Variants in LRBA observed in about 807,000 individuals in gnomAD.
LRBA encodes LPS responsive beige-like anchor protein.
A neutral mutation model predicts 330.0 loss-of-function variants in LRBA; 176 were observed. The observed-to-expected ratio is 0.53, with a 90% CI of 0.47 to 0.60. The LOEUF is 0.60. Among genes scored for constraint, LRBA ranks in the 20% least tolerant of loss-of-function variants. The probability of loss-of-function intolerance (pLI) is 0.00; values close to 1 mark genes in which losing one functional copy is unlikely to be tolerated. For missense variants in LRBA, 3,259 were observed against 3,444.8 expected, an observed-to-expected ratio of 0.95 and a Z score of 1.35; for synonymous variants, 1,230 against 1,193.0, an observed-to-expected ratio of 1.03 and a Z score of -0.64.
chr4:150,371,182 A>ATTTTTTTTTTTTTTTTTTTTTTTTTTTTT (rs70937395), intron 47 of LRBA, among the ~76,000 whole-genome samples: 1 of 91,926 alleles, frequency 1.1e-5, no homozygotes, highest in Admixed American at 1.3e-4. Context: ...AAGCTACTAA[A>ATTTTTTTTTTTTTTTTTTTTTTTTTTTTT]TTTTTTTTTT....
In LRBA at chr4:150,311,835, T is replaced by C. The variant is rs564668896; in HGVS notation, c.7694-1451A>G. Among the ~76,000 whole-genome samples the C allele has an allele frequency of 9.2e-5, 14 of 152,300 alleles. No homozygotes were observed. The South Asian group carries it at 2.1e-3, about 23-fold the overall frequency. On this transcript the variant is annotated intron_variant, in intron 51 of 56. Transcript: ENST00000651943. ...ATAATAAAAGCTTTTGTGGATATCA[T>C]AGTGTTACTACAGAGAGACAGTGTC...
At chr4:150,825,525 C>T (rs953349699) in intron 30 of LRBA, among the ~76,000 whole-genome samples, 6 of 152,018 alleles carry the variant, frequency 3.9e-5, no homozygotes, top group Non-Finnish European at 8.8e-5. Flanking sequence ...CGCCACCACG[C>T]GTAGATAATT....
intron 48 of LRBA, 150 bp downstream of exon 48, chr4:150,349,842 G>A (rs896696887): frequency 1.6e-6 from 1 of 608,210 alleles, no homozygotes; most frequent in Non-Finnish European, 2.7e-6. Flanking sequence ...GTTCTTGCTA[G>A]GTCACTGATA....
At chr4:150,819,326 G>C (rs1422405738) in intron 30 of LRBA, among the ~76,000 whole-genome samples, 1 of 151,650 alleles carries the variant, frequency 6.6e-6, no homozygotes, top group Admixed American at 6.6e-5. Context: ...ATATCATGAT[G>C]GGGACTTAAG....
At chr4:150,779,375 TAA>T (rs921428650) in intron 34 of LRBA, among the ~76,000 whole-genome samples, 2 of 152,106 alleles carry the variant, frequency 1.3e-5, no homozygotes, top group East Asian at 3.9e-4. Context: ...CTAATAATCA[TAA>T]AAAATTTTAA....
chr4:150,576,399 C>G (rs1770554180), intron 40 of LRBA, among the ~76,000 whole-genome samples: 1 of 151,824 alleles, frequency 6.6e-6, no homozygotes, highest in African/African-American at 2.4e-5. Context: ...ATAGCAAGTT[C>G]AAAGAAACTT....
intron 47 of LRBA, among the ~76,000 whole-genome samples, chr4:150,362,069 G>A (rs1337208300): frequency 2.0e-5 from 3 of 152,082 alleles, no homozygotes; most frequent in African/African-American, 4.8e-5. Flanking sequence ...ACCGCGCCTC[G>A]CCCATCACAC....
rs558424814 is a variant in LRBA at position 150,326,856 on chromosome 4, G to A, written c.7363-958C>T. Among the ~76,000 whole-genome samples, 28 of 152,240 alleles carry A rather than the reference G, an allele frequency of 1.8e-4. No individual in the cohort carries two copies. In the South Asian group the frequency reaches 5.8e-3, roughly 32 times the overall value. The stretch of plus-strand genomic sequence containing the variant: ...AACAGTCAGTATGCTTAACTCCCAG[G>A]CTAAAAGGATGAGGAAAACCCTCAA... On this transcript the variant is annotated intron_variant, in intron 48 of 56. Transcript: ENST00000651943.
At chr4:150,614,002 T>G (rs755773439) in intron 37 of LRBA, among the ~76,000 whole-genome samples, 2 of 152,208 alleles carry the variant, frequency 1.3e-5, no homozygotes, top group Non-Finnish European at 2.9e-5. Flanking sequence ...AGTCTTTAGT[T>G]TCAAGTTTCT....
At chr4:150,559,626 T>A (rs1337183501) in intron 40 of LRBA, among the ~76,000 whole-genome samples, 29 of 86,050 alleles carry the variant, frequency 3.4e-4, no homozygotes, top group African/African-American at 1.2e-3. Context: ...TGTATTATTT[T>A]ATAATATATA....
At chr4:150,559,859 TATATATA>T (rs1464432212) in intron 40 of LRBA, among the ~76,000 whole-genome samples, 762 of 23,102 alleles carry the variant, frequency 0.033, 5 homozygotes, top group African/African-American at 0.047. Flanking sequence ...AATATATAAT[TATATATA>T]ATATATAATT....
intron 40 of LRBA, among the ~76,000 whole-genome samples, chr4:150,585,488 C>T (rs1772003455): frequency 3.9e-5 from 6 of 152,094 alleles, no homozygotes; most frequent in Admixed American, 3.9e-4. Flanking sequence ...AGGTAACAAA[C>T]CAATATACTC....
intron 2 of LRBA, among the ~76,000 whole-genome samples, chr4:150,995,537 T>C (rs1007090450): frequency 6.6e-6 from 1 of 151,944 alleles, no homozygotes; most frequent in Non-Finnish European, 1.5e-5. Flanking sequence ...AATCAAACAA[T>C]TGTAATGTTT....
At chr4:150,733,602 C>T (rs1471249483) in intron 36 of LRBA, among the ~76,000 whole-genome samples, 1 of 150,128 alleles carries the variant, frequency 6.7e-6, no homozygotes, top group Non-Finnish European at 1.5e-5. Flanking sequence ...ACACACACCT[C>T]AAGACCCCAA....
chr4:150,544,251 C>T (rs1765619443), intron 40 of LRBA, among the ~76,000 whole-genome samples: 1 of 152,036 alleles, frequency 6.6e-6, no homozygotes, highest in Non-Finnish European at 1.5e-5. Flanking sequence ...CCTCAGTCTC[C>T]TGAGTAGCTG....
intron 37 of LRBA, among the ~76,000 whole-genome samples, chr4:150,623,697 A>C (rs1776539497): frequency 6.6e-6 from 1 of 152,106 alleles, no homozygotes; most frequent in South Asian, 2.1e-4. Context: ...TACAATGAGA[A>C]TGCATTTCTA....
intron 34 of LRBA, among the ~76,000 whole-genome samples, chr4:150,793,223 T>A (rs1740248830): frequency 2.0e-5 from 3 of 152,024 alleles, no homozygotes; most frequent in Admixed American, 2.0e-4. Context: ...GAGGATCACT[T>A]GAGCCTGGGA....
At chr4:150,780,560 T>C (rs1019064841) in intron 34 of LRBA, among the ~76,000 whole-genome samples, 2 of 46,880 alleles carry the variant, frequency 4.3e-5, no homozygotes, top group East Asian at 6.1e-4. Flanking sequence ...GTAACTCTTA[T>C]CAAATATTTA....
chr4:150,330,000 C>A lies in LRBA; in HGVS notation c.7363-4102G>T, dbSNP rs891746122. ...TATTCAGTTTCTGCCTCCAGCATATCCTGCAGAACTAAGTTTTCCCAAACT... is the reference window on the plus strand; with the variant it reads ...TATTCAGTTTCTGCCTCCAGCATATACTGCAGAACTAAGTTTTCCCAAACT... On this transcript the variant is annotated intron_variant, in intron 48 of 56. Transcript: ENST00000651943. Among the ~76,000 whole-genome samples the A allele has an allele frequency of 2.0e-5, 3 of 152,250 alleles. No individual in the cohort carries two copies. In the South Asian group the frequency reaches 6.2e-4, roughly 32 times the overall value.
Sources: allele counts gnomAD v4.1 joint callset (sites outside exome capture counted in the v4.1 genomes callset), GRCh38; gene constraint gnomAD v4.1.1; transcripts MANE v1.5; gene names NCBI Gene and HGNC (gene_info 2026-07-23, HGNC 2026-07-21).